The following MYO16 variants were observed in gnomAD, a reference collection of about 807,000 sequenced individuals.
MYO16 encodes the protein myosin XVI, also known as unconventional myosin-XVI.
In MYO16, 94 loss-of-function variants were observed where a neutral mutation model predicts 205.3. The ratio of observed to expected loss-of-function variants is 0.46; its 90% CI spans 0.39 to 0.54. The LOEUF is 0.54. MYO16 is among the 20% of genes least tolerant of loss of function. The probability of loss-of-function intolerance (pLI) is 0.00; values close to 1 mark genes in which losing one functional copy is unlikely to be tolerated. For missense variants in MYO16, 2,315 were observed against 2,387.5 expected (o/e 0.97, Z 0.63); for synonymous variants, 988 against 954.0 (o/e 1.04, Z -0.66).
At chr13:108,714,176 C>T (rs1160734406) in intron 3 of MYO16, among the ~76,000 whole-genome samples, 1 of 152,134 alleles carries the variant, frequency 6.6e-6, no homozygotes, top group East Asian at 1.9e-4. Context: ...CTGCCTCAGC[C>T]GCCTGAGTAG....
intron 16 of MYO16, among the ~76,000 whole-genome samples, chr13:108,931,946 A>G (rs527490941): frequency 6.6e-6 from 1 of 152,190 alleles, no homozygotes; most frequent in African/African-American, 2.4e-5. Flanking sequence ...GATTCCTTTT[A>G]GAAACATGCT....
At chr13:108,939,937 G>A (rs541278486) in intron 16 of MYO16, among the ~76,000 whole-genome samples, 3 of 152,214 alleles carry the variant, frequency 2.0e-5, no homozygotes, top group South Asian at 2.1e-4. Context: ...CTAAGTAGAG[G>A]AGAATTTGTC....
intron 34 of MYO16, among the ~76,000 whole-genome samples, chr13:109,194,155 T>C (rs1417251192): frequency 6.6e-6 from 1 of 152,166 alleles, no homozygotes; most frequent in African/African-American, 2.4e-5. Flanking sequence ...GTTACCCAAT[T>C]TGAATGAAAG....
At chr13:108,726,669 A>T (rs1884352680) in intron 3 of MYO16, among the ~76,000 whole-genome samples, 1 of 152,170 alleles carries the variant, frequency 6.6e-6, no homozygotes, top group African/African-American at 2.4e-5. Context: ...AACATTCAAG[A>T]TGGTAAAGGC....
intron 4 of MYO16, among the ~76,000 whole-genome samples, chr13:108,758,239 G>A (rs2139650912): frequency 6.6e-6 from 1 of 152,264 alleles, no homozygotes; most frequent in East Asian, 1.9e-4. Context: ...TTTTGCTATA[G>A]TAGTCTGAAT....
At chr13:108,955,196 G>A (rs954039882) in intron 16 of MYO16, among the ~76,000 whole-genome samples, 2 of 152,188 alleles carry the variant, frequency 1.3e-5, no homozygotes, top group Admixed American at 6.5e-5. Flanking sequence ...TAGAAAGTCA[G>A]GTCATTTCTG....
At chr13:108,667,317 T>C (rs1359504234) in intron 2 of MYO16, among the ~76,000 whole-genome samples, 1 of 144,674 alleles carries the variant, frequency 6.9e-6, no homozygotes, top group African/African-American at 2.6e-5. Flanking sequence ...GAATTTCTGT[T>C]TTGTTTTTTT....
chr13:108,958,619 T>C (rs900607814), intron 17 of MYO16, among the ~76,000 whole-genome samples: 1 of 152,184 alleles, frequency 6.6e-6, no homozygotes, highest in Non-Finnish European at 1.5e-5. Flanking sequence ...GTGTGGCTAG[T>C]GGGCTGAAGA....
chr13:109,204,194 G>A (rs1478312969), intron 34 of MYO16, among the ~76,000 whole-genome samples: 3 of 152,132 alleles, frequency 2.0e-5, no homozygotes, highest in South Asian at 2.1e-4. Context: ...AGAAGTGAAC[G>A]TTCCTCAGTT....
intron 7 of MYO16, among the ~76,000 whole-genome samples, chr13:108,817,951 T>G (rs1288975478): frequency 6.6e-6 from 1 of 152,166 alleles, no homozygotes; most frequent in Non-Finnish European, 1.5e-5. Context: ...TCTGTCCCTA[T>G]TTGAGACATA....
intron 27 of MYO16, among the ~76,000 whole-genome samples, chr13:109,088,180 TG>T (rs1222760041): frequency 1.3e-5 from 2 of 152,144 alleles, no homozygotes; most frequent in Admixed American, 1.3e-4. Context: ...ATGTCCCCTT[TG>T]GTAGATGGTT....
rs547725272 is a variant in MYO16, at chr13:109,152,394, G to T, written c.5164+11018G>T. Among the ~76,000 whole-genome samples the T allele has an allele frequency of 2.6e-5, 4 of 152,258 alleles. No homozygotes were observed. In the South Asian group the frequency reaches 8.3e-4, roughly 32 times the overall value. On this transcript the variant is annotated intron_variant, in intron 32 of 34. Coordinates refer to ENST00000457511, the MANE Select transcript of MYO16 (RefSeq NM_001198950.3). ...AGAGATCTGGTTGAATCACTTACAT[G>T]TCATTCCAGACAGTAAAACTCTAAT... is the stretch of plus-strand genomic sequence containing the variant.
intron 1 of MYO16, among the ~76,000 whole-genome samples, chr13:108,604,741 G>A (rs922357747): frequency 1.3e-5 from 2 of 152,072 alleles, no homozygotes; most frequent in African/African-American, 4.8e-5. Flanking sequence ...TTTACGGAAG[G>A]GTTTTAAATA....
chr13:109,028,406 CAG>C, intron 23 of MYO16: 1 of 324,096 alleles, frequency 3.1e-6, no homozygotes, highest in Non-Finnish European at 6.1e-6. Flanking sequence ...TTGTTTTTCA[CAG>C]AATATTTGGG....
chr13:109,198,233 C>T (rs1880243027), intron 34 of MYO16, among the ~76,000 whole-genome samples: 1 of 152,026 alleles, frequency 6.6e-6, no homozygotes, highest in African/African-American at 2.4e-5. Context: ...CAAGATGATA[C>T]AAAGTACAAT....
At chr13:108,970,618 A>G (rs994914305) in intron 20 of MYO16, among the ~76,000 whole-genome samples, 4 of 152,164 alleles carry the variant, frequency 2.6e-5, no homozygotes, top group African/African-American at 7.2e-5. Context: ...GGATTTCTGG[A>G]CTTGCTGATT....
intron 7 of MYO16, among the ~76,000 whole-genome samples, chr13:108,814,605 G>A (rs1175701697): frequency 6.6e-6 from 1 of 152,088 alleles, no homozygotes; most frequent in East Asian, 1.9e-4. Flanking sequence ...TTTAGCAAAT[G>A]ATATATTTGG....
At chr13:109,195,385 T>A (rs1177141178) in intron 34 of MYO16, among the ~76,000 whole-genome samples, 2 of 152,136 alleles carry the variant, frequency 1.3e-5, no homozygotes. Context: ...ACACCACAAG[T>A]GCTATTTTGA....
chr13:108,999,162 C>T (rs574810385), intron 21 of MYO16, among the ~76,000 whole-genome samples: 1 of 152,304 alleles, frequency 6.6e-6, no homozygotes, highest in African/African-American at 2.4e-5. Context: ...ATTTCACTCA[C>T]ACTGTATCAT....
Sources: allele counts gnomAD v4.1 joint callset (sites outside exome capture counted in the v4.1 genomes callset), GRCh38; gene constraint gnomAD v4.1.1; transcripts MANE v1.5; gene names NCBI Gene and HGNC (gene_info 2026-07-23, HGNC 2026-07-21).